PCDHGA12: variants seen among roughly 807,000 people sequenced by gnomAD.
PCDHGA12 encodes protocadherin gamma-A12.
In PCDHGA12, 43 loss-of-function variants were observed where a neutral mutation model predicts 61.1. The observed-to-expected ratio is 0.70, with a 90% CI of 0.55 to 0.91. The LOEUF is 0.91. Among genes scored for constraint, PCDHGA12 ranks in the 40% least tolerant of loss-of-function variants. The probability of loss-of-function intolerance (pLI) is 0.00; values close to 1 mark genes in which losing one functional copy is unlikely to be tolerated. For missense variants in PCDHGA12, 1,236 were observed against 1,227.7 expected (o/e 1.01, Z -0.10); for synonymous variants, 520 against 542.9 (o/e 0.96, Z 0.59).
intron 1 of PCDHGA12, among the ~76,000 whole-genome samples, chr5:141,474,102 AAAC>A (rs909174523): frequency 2.6e-4 from 40 of 152,286 alleles, no homozygotes; most frequent in African/African-American, 8.7e-4. Flanking sequence ...ACAACAACAA[AAAC>A]AACAACAACG....
rs773703641 is a variant in PCDHGA12, at chr5:141,477,856, G to A, written c.2425-16951G>A. On this transcript the variant is annotated intron_variant, in intron 1 of 3. Transcript: ENST00000252085. The surrounding 1 kb of genome is among the most constrained non-coding windows in gnomAD (Gnocchi z 4.9). ...CAGGTGGGAGCTCGGTGGAGATGCT[G>A]CCTCGAGGTACCTCAGCTGGCCACC... is the stretch of plus-strand genomic sequence containing the variant. 6.2e-7 allele frequency: 1 copy of A among 1,613,592 alleles called. No homozygotes were observed. Among genetic ancestry groups the A allele is most frequent in the Admixed American group, 1.7e-5 (1 of 59,976 alleles).
intron 1 of PCDHGA12, among the ~76,000 whole-genome samples, chr5:141,434,345 G>C (rs1254991411): frequency 1.3e-5 from 2 of 152,144 alleles, no homozygotes; most frequent in African/African-American, 4.8e-5. Flanking sequence ...GTCGGGAACA[G>C]GCCCCCCAAA....
rs746838072 is a variant in PCDHGA12 at position 141,486,116 on chromosome 5, T to A, written c.2425-8691T>A. ...GCCCCTAGACTTTGAGAGTGAGAATTACTATGAATTTGATGTGCGGGCTCG... is the reference window on the plus strand; with the variant it reads ...GCCCCTAGACTTTGAGAGTGAGAATAACTATGAATTTGATGTGCGGGCTCG... On this transcript the variant is annotated intron_variant, in intron 1 of 3. Coordinates refer to ENST00000252085, the MANE Select transcript of PCDHGA12 (RefSeq NM_003735.3). This position sits in a 1 kb window ranked among gnomAD's most constrained non-coding sequence, Gnocchi z 5.0. 1.1e-5 allele frequency: 17 copies of A among 1,613,638 alleles called. No homozygotes were observed. Among genetic ancestry groups the A allele is most frequent in the Non-Finnish European group, 1.4e-5 (17 of 1,179,610 alleles).
rs764957747 is a variant in PCDHGA12, at chr5:141,505,453, G to A, written c.2544G>A (p.Leu848=). Residue 848 remains leucine (L), a synonymous_variant, in exon 3 of 4, where the codon CTG becomes CTA. Coordinates refer to ENST00000252085, the MANE Select transcript of PCDHGA12 (RefSeq NM_003735.3). ...ACAACCAGTTTGACACAGAGATGCT[G>A]CAAGCCATGATCTTGGCGTCCGCCA... ...WPNNQFDTEM[L]QAMILASASE... 3 of 1,614,190 alleles carry A rather than the reference G, an allele frequency of 1.9e-6. No individual in the cohort carries two copies. Among genetic ancestry groups the A allele is most frequent in the Non-Finnish European group, 2.5e-6 (3 of 1,180,012 alleles).
chr5:141,508,723 G>A (rs941469412), intron 3 of PCDHGA12, among the ~76,000 whole-genome samples: 2 of 151,814 alleles, frequency 1.3e-5, no homozygotes, highest in African/African-American at 4.8e-5. Context: ...TGTGTGCAGG[G>A]AGACTACACC....
rs1340590903 is a variant in PCDHGA12, at chr5:141,432,842, G to A, written c.2083G>A (p.Val695Ile). The change falls in exon 1 of 4, where the codon GTA becomes ATA. Residue 695 changes from valine (V) to isoleucine (I), a missense_variant. Physicochemically the swap from Val to Ile is conservative, Grantham distance 29. Coordinates refer to ENST00000252085, the MANE Select transcript of PCDHGA12 (RefSeq NM_003735.3). This position sits in a 1 kb window ranked among gnomAD's most constrained non-coding sequence, Gnocchi z 6.0. ...CTCAGACCTCACTCTGTACCTGGTG[G>A]TAGCGGTGGCCGCGGTCTCCTGCGT... ...ETSDLTLYLV[V>I]AVAAVSCVFL... 5 of 1,614,192 alleles carry A rather than the reference G, an allele frequency of 3.1e-6. No individual in the cohort carries two copies. The South Asian group carries it at 4.4e-5, about 14-fold the overall frequency.
chr5:141,489,205 G>A lies in PCDHGA12; in HGVS notation c.2425-5602G>A. 2.1e-6 allele frequency: 3 copies of A among 1,438,682 alleles called. No homozygotes were observed. Among genetic ancestry groups the A allele is most frequent in the Non-Finnish European group, 1.9e-6 (2 of 1,060,944 alleles). 89.1% of individuals were successfully genotyped at this position (1,438,682 alleles called of 1,614,324 possible). On this transcript the variant is annotated intron_variant, in intron 1 of 3. Coordinates refer to ENST00000252085, the MANE Select transcript of PCDHGA12 (RefSeq NM_003735.3). The surrounding 1 kb of genome is among the most constrained non-coding windows in gnomAD (Gnocchi z 4.5). ...CTGGGTCTACCTTGGAGACAGGACA[G>A]CACAGACTTACTCTCCACAAAGGGA...
In PCDHGA12 at chr5:141,476,524, T is replaced by C. The variant is rs1350353768; in HGVS notation, c.2425-18283T>C. On this transcript the variant is annotated intron_variant, in intron 1 of 3. Coordinates refer to ENST00000252085, the MANE Select transcript of PCDHGA12 (RefSeq NM_003735.3). The surrounding 1 kb of genome is among the most constrained non-coding windows in gnomAD (Gnocchi z 7.6). ...TCAACGACAACAATCCTGCTTTCCC[T>C]ACCCAGGAAATGAAATTGGAGATTA... 6.2e-7 allele frequency: 1 copy of C among 1,614,182 alleles called. No individual in the cohort carries two copies. Among genetic ancestry groups the C allele is most frequent in the Non-Finnish European group, 8.5e-7 (1 of 1,180,028 alleles).
chr5:141,497,573 T>C (rs1231425210), intron 2 of PCDHGA12, among the ~76,000 whole-genome samples: 1 of 149,502 alleles, frequency 6.7e-6, no homozygotes, highest in South Asian at 2.1e-4. Context: ...AGAGTCTTGC[T>C]CTGTTGCCCA....
chr5:141,499,493 A>G (rs1322531312), intron 2 of PCDHGA12, among the ~76,000 whole-genome samples: 1 of 152,222 alleles, frequency 6.6e-6, no homozygotes, highest in African/African-American at 2.4e-5. Context: ...CTACAGTTTA[A>G]TATGAAACAT....
At chr5:141,444,599 A>G (rs373366708) in intron 1 of PCDHGA12, among the ~76,000 whole-genome samples, 2 of 152,108 alleles carry the variant, frequency 1.3e-5, no homozygotes, top group African/African-American at 2.4e-5. Flanking sequence ...CCTTATTTAA[A>G]ATTGATTTTT....
intron 2 of PCDHGA12, among the ~76,000 whole-genome samples, chr5:141,503,570 G>T (rs996006002): frequency 3.4e-4 from 50 of 147,216 alleles, no homozygotes; most frequent in African/African-American, 1.2e-3. Context: ...CTGTACTCCA[G>T]CCTGGGTGAC....
At chr5:141,503,023 A>AAT (rs2099817696) in intron 2 of PCDHGA12, among the ~76,000 whole-genome samples, 1 of 141,888 alleles carries the variant, frequency 7.0e-6, no homozygotes, top group African/African-American at 2.6e-5. Context: ...TTTTTTTTTT[A>AAT]ATATCTATTT....
rs1173306822 is a variant in PCDHGA12 at position 141,431,115 on chromosome 5, T to C, written c.356T>C (p.Val119Ala). The C allele has an allele frequency of 9.3e-6, 15 of 1,613,492 alleles. No individual in the cohort carries two copies. The highest frequency in any genetic ancestry group is 1.3e-5 in the Non-Finnish European group (15 of 1,179,878). The change falls in exon 1 of 4, where the codon GTA (valine) becomes GCA (alanine). Residue 119 changes from valine to alanine, a missense_variant. Val to Ala is a moderately conservative substitution (Grantham distance 64). Coordinates refer to ENST00000252085, the MANE Select transcript of PCDHGA12 (RefSeq NM_003735.3). The surrounding 1 kb of genome is among the most constrained non-coding windows in gnomAD (Gnocchi z 4.8). ...LMEDKVKIYGVEVEVRDINDN... is the reference protein window; with the variant it reads ...LMEDKVKIYGAEVEVRDINDN... The stretch of plus-strand genomic sequence containing the variant: ...GAGGATAAAGTGAAAATATATGGAG[T>C]AGAAGTAGAAGTAAGGGACATTAAC...
intron 1 of PCDHGA12, among the ~76,000 whole-genome samples, chr5:141,470,825 C>A (rs557419577): frequency 6.6e-6 from 1 of 152,182 alleles, no homozygotes; most frequent in Admixed American, 6.5e-5. Context: ...GTAGTTAGGA[C>A]GACAAACACA....
At chr5:141,502,499 C>A (rs552402476) in intron 2 of PCDHGA12, among the ~76,000 whole-genome samples, 12 of 152,122 alleles carry the variant, frequency 7.9e-5, no homozygotes, top group Non-Finnish European at 2.9e-5. Flanking sequence ...CATCTAACGT[C>A]GGCCTGTCCC....
At chr5:141,458,645 C>T (rs1162232847) in intron 1 of PCDHGA12, among the ~76,000 whole-genome samples, 2 of 152,170 alleles carry the variant, frequency 1.3e-5, no homozygotes, top group Non-Finnish European at 2.9e-5. Flanking sequence ...TCCCAGCTCA[C>T]TGCAACCTCC....
At chr5:141,472,994 A>AAAG (rs2099310386) in intron 1 of PCDHGA12, among the ~76,000 whole-genome samples, 1 of 151,692 alleles carries the variant, frequency 6.6e-6, no homozygotes, top group Non-Finnish European at 1.5e-5. Flanking sequence ...AAAAAAAAAA[A>AAAG]AAAGAAAGAA....
intron 2 of PCDHGA12, among the ~76,000 whole-genome samples, chr5:141,496,180 GC>G (rs1054381604): frequency 1.4e-4 from 21 of 151,922 alleles, no homozygotes; most frequent in Non-Finnish European, 2.9e-4. Flanking sequence ...CATCCAAGCA[GC>G]CCCAGCTGCT....
Sources: gnomAD v4.1 joint callset for allele counts (sites outside exome capture counted in the v4.1 genomes callset) on GRCh38, gnomAD v4.1.1 for gene constraint, Gnocchi (gnomAD v3.1) non-coding constraint, MANE v1.5 for transcripts, NCBI Gene and HGNC (gene_info 2026-07-23, HGNC 2026-07-21) for gene names.